The following RHOT1 variants were observed in gnomAD, a reference collection of about 807,000 sequenced individuals.
The protein encoded by RHOT1 is mitochondrial Rho GTPase 1.
In RHOT1, 27 loss-of-function variants were observed where a neutral mutation model predicts 95.3. That is an observed-to-expected ratio of 0.28 (90% CI 0.21 to 0.39). The LOEUF (loss-of-function observed/expected upper bound fraction) is 0.39. Among genes scored for constraint, RHOT1 ranks in the 10% least tolerant of loss-of-function variants. The pLI is 1.00. For missense variants in RHOT1, 578 were observed against 786.7 expected, an observed-to-expected ratio of 0.73 and a Z score of 3.17; for synonymous variants, 227 against 263.5, an observed-to-expected ratio of 0.86 and a Z score of 1.34.
At chr17:32,151,490 G>T (rs2032281347) in intron 1 of RHOT1, 1 of 610,424 alleles carries the variant, frequency 1.6e-6, no homozygotes, top group South Asian at 1.7e-5. Flanking sequence ...ATTCTCTGGG[G>T]CCATTCTGTT....
At chr17:32,224,424 G>A (rs2039020819) in intron 19 of RHOT1, among the ~76,000 whole-genome samples, 192 bp from the exon 20 acceptor site, 1 of 152,072 alleles carries the variant, frequency 6.6e-6, no homozygotes, top group Admixed American at 6.6e-5. Flanking sequence ...TCTACATTGT[G>A]TCATTTTCTT....
chr17:32,192,272 C>A lies in RHOT1; in HGVS notation c.612C>A (p.Leu204=), dbSNP rs1247156519. The change falls in exon 9 of 20, where the codon CTC becomes CTA. Residue 204 remains leucine (L), a synonymous_variant. Transcript: ENST00000545287. ...KISDQDNDGT[L]NDAELNFFQR... ...CTGATCAAGATAATGATGGTACTCT[C>A]AATGATGCTGAACTCAACTTCTTTC... 1 of 1,573,184 alleles carries A rather than the reference C, an allele frequency of 6.4e-7. No homozygotes were observed. Among genetic ancestry groups the A allele is most frequent in the South Asian group, 1.2e-5 (1 of 86,120 alleles).
chr17:32,206,808 T>G (rs2037789451), intron 16 of RHOT1, 102 bp from the exon 17 acceptor site: 5 of 884,282 alleles, frequency 5.7e-6, no homozygotes, highest in Non-Finnish European at 8.4e-6. Context: ...TAACCAGTAC[T>G]TTTAAACTTA....
At chr17:32,143,329 G>A (rs948350122) in intron 1 of RHOT1, among the ~76,000 whole-genome samples, 2 of 152,182 alleles carry the variant, frequency 1.3e-5, no homozygotes, top group East Asian at 3.8e-4. Context: ...AGTGGAAAGG[G>A]CCGGATCCTT....
intron 1 of RHOT1, among the ~76,000 whole-genome samples, chr17:32,148,393 T>C (rs1406394267): frequency 2.6e-5 from 4 of 152,264 alleles, no homozygotes; most frequent in Non-Finnish European, 5.9e-5. Flanking sequence ...CCATTCTGCA[T>C]AAAGAGTCTA....
chr17:32,218,768 C>G (rs185996192), intron 19 of RHOT1, among the ~76,000 whole-genome samples: 20 of 151,998 alleles, frequency 1.3e-4, no homozygotes, highest in Non-Finnish European at 1.2e-4. Context: ...GAGCTGTGTT[C>G]ATGCCATTGC....
intron 1 of RHOT1, among the ~76,000 whole-genome samples, chr17:32,170,299 C>T (rs2034473871): frequency 6.6e-6 from 1 of 152,002 alleles, no homozygotes; most frequent in African/African-American, 2.4e-5. Context: ...CCTATAATCC[C>T]AGCTACTTTG....
chr17:32,198,501 AG>A (rs2037070137), intron 11 of RHOT1, among the ~76,000 whole-genome samples: 1 of 152,138 alleles, frequency 6.6e-6, no homozygotes, highest in Admixed American at 6.5e-5. Flanking sequence ...GCTTGAGCCC[AG>A]GAGTTTGAGC....
chr17:32,206,994 C>A lies in RHOT1; in HGVS notation c.1501C>A (p.Pro501Thr), dbSNP rs909485967. 6.2e-7 allele frequency: 1 copy of A among 1,612,798 alleles called. No individual in the cohort carries two copies. Among genetic ancestry groups the A allele is most frequent in the African/African-American group, 1.3e-5 (1 of 74,824 alleles). Residue 501 changes from proline (P) to threonine (T), a missense_variant, in exon 17 of 20, where the codon CCC becomes ACC. Physicochemically the swap from Pro to Thr is conservative, Grantham distance 38. This residue lies in a region of RHOT1 where 296 missense variants were observed against 338.5 expected (regional missense o/e 0.87). Transcript: ENST00000545287. ...VVCLVYDVSNPKSFEYCARIF... is the reference protein window; with the variant it reads ...VVCLVYDVSNTKSFEYCARIF... ...ATGCCTGGTATATGATGTCAGCAAT[C>A]CCAAATCCTTTGAATACTGTGCCAG...
In RHOT1 at chr17:32,190,889, G is replaced by A. The variant is rs139192764; in HGVS notation, c.541-1312G>A. On this transcript the variant is annotated intron_variant, in intron 8 of 19. Transcript: ENST00000545287. ...CGGCTCACTGCAACCTCTGCCTCCCGGGTTCAAGCGATTCTCCTGCCTCAG... is the reference window on the plus strand; with the variant it reads ...CGGCTCACTGCAACCTCTGCCTCCCAGGTTCAAGCGATTCTCCTGCCTCAG... Among the ~76,000 whole-genome samples the A allele has an allele frequency of 4.1e-3, 628 of 152,132 alleles. 6 individuals carry two copies. Among genetic ancestry groups the A allele is most frequent in the African/African-American group, 0.014 (581 of 41,502 alleles).
intron 11 of RHOT1, among the ~76,000 whole-genome samples, chr17:32,196,943 G>A (rs1486333410): frequency 3.3e-5 from 5 of 151,920 alleles, no homozygotes; most frequent in South Asian, 2.1e-4. Flanking sequence ...CCAACATGGC[G>A]AAAACCCATC....
At chr17:32,148,448 C>G (rs2031718953) in intron 1 of RHOT1, among the ~76,000 whole-genome samples, 1 of 152,212 alleles carries the variant, frequency 6.6e-6, no homozygotes. Context: ...CACATATGTA[C>G]TGAAACCTAT....
chr17:32,210,133 C>A (rs891501746), intron 18 of RHOT1, among the ~76,000 whole-genome samples: 12 of 152,040 alleles, frequency 7.9e-5, no homozygotes, highest in African/African-American at 2.7e-4. Context: ...AGTCTTTTGA[C>A]TGAGAAGCCT....
Position 32,204,635 on chromosome 17 carries a change from TA to T in RHOT1, c.1416+672del, listed in dbSNP as rs57746638. 8.2e-3 allele frequency among the ~76,000 whole-genome samples: 1,223 copies of T among 149,426 alleles called. 20 individuals carry two copies. The highest frequency in any genetic ancestry group is 0.025 in the African/African-American group (1,020 of 40,428). ...ATAAAAATTCATCATTTAAAAAAAT[TA>T]AAAAAAAAATTAAGTTGGTACACTT... is the stretch of plus-strand genomic sequence containing the variant. On this transcript the variant is annotated intron_variant, in intron 16 of 19. Transcript: ENST00000545287.
intron 8 of RHOT1, among the ~76,000 whole-genome samples, chr17:32,190,182 G>T (rs1211369881): frequency 6.6e-6 from 1 of 152,176 alleles, no homozygotes; most frequent in Middle Eastern, 3.4e-3. Context: ...TTGGCCGGGC[G>T]CAATGGATCA....
chr17:32,199,324 G>A, intron 12 of RHOT1, 81 bp from the exon 13 acceptor site: 1 of 1,347,206 alleles, frequency 7.4e-7, no homozygotes, highest in Non-Finnish European at 1.0e-6. Flanking sequence ...AAAAAGCATA[G>A]CTTTACTAGA....
At chr17:32,153,061 C>T (rs895516661) in intron 1 of RHOT1, among the ~76,000 whole-genome samples, 8 of 152,218 alleles carry the variant, frequency 5.3e-5, no homozygotes, top group Non-Finnish European at 1.2e-4. Flanking sequence ...CTCAGCCTCC[C>T]AAAGTGCTGA....
In RHOT1 at chr17:32,176,231, A is replaced by C; in HGVS notation, c.329+18A>C. ...GACAGCAGGTATTTTTTCCTCTCTC[A>C]AACTTTTTATAATTAAAAAGTTTAA... On this transcript the variant is annotated intron_variant, in intron 6 of 19. Coordinates refer to ENST00000545287, the MANE Select transcript of RHOT1 (RefSeq NM_001033566.3). 6.3e-7 allele frequency: 1 copy of C among 1,589,276 alleles called. No individual in the cohort carries two copies.
intron 1 of RHOT1, among the ~76,000 whole-genome samples, chr17:32,153,529 A>G (rs2032578310): frequency 6.6e-6 from 1 of 152,220 alleles, no homozygotes; most frequent in Non-Finnish European, 1.5e-5. Context: ...GTAAGGTGGC[A>G]TGCACCTGTA....
Sources: gnomAD v4.1 joint callset for allele counts (sites outside exome capture counted in the v4.1 genomes callset) on GRCh38, gnomAD v4.1.1 for gene constraint, gnomAD v4.1.1 regional missense constraint, MANE v1.5 for transcripts, NCBI Gene and HGNC (gene_info 2026-07-23, HGNC 2026-07-21) for gene names.